The following TPD52L1 variants were observed in gnomAD, a reference collection of about 807,000 sequenced individuals.
The protein encoded by TPD52L1 is tumor protein D53.
TPD52L1 carries 18 observed loss-of-function variants against 28.7 expected under a neutral mutation model. That is an observed-to-expected ratio of 0.63 (90% CI 0.43 to 0.93). The LOEUF is 0.93. Ranked by LOEUF, TPD52L1 falls within the 40% of genes least tolerant of loss-of-function variation. The pLI is 0.00. For synonymous variants in TPD52L1, 75 were observed against 88.8 expected (o/e 0.84, Z 0.88); for missense variants, 203 against 254.8 (o/e 0.80, Z 1.39).
intron 1 of TPD52L1, among the ~76,000 whole-genome samples, chr6:125,199,816 C>T (rs1793689277): frequency 6.6e-6 from 1 of 152,194 alleles, no homozygotes; most frequent in South Asian, 2.1e-4. Flanking sequence ...TTAAAAATTA[C>T]TTAGGTCATA....
intron 1 of TPD52L1, among the ~76,000 whole-genome samples, chr6:125,204,876 A>T (rs1241706900): frequency 6.6e-6 from 1 of 152,214 alleles, no homozygotes; most frequent in Non-Finnish European, 1.5e-5. Context: ...CCTAGTGTGA[A>T]CAAGGAAGCA....
intron 1 of TPD52L1, among the ~76,000 whole-genome samples, chr6:125,187,359 T>C (rs1792710469): frequency 6.6e-6 from 1 of 152,204 alleles, no homozygotes; most frequent in Non-Finnish European, 1.5e-5. Flanking sequence ...CTACACTCTT[T>C]TTGGAAAATA....
Position 125,260,976 on chromosome 6 carries a change from GAA to G in TPD52L1, c.487-1855_487-1854del, listed in dbSNP as rs11341964. 6.9e-4 allele frequency: 58 copies of G among 83,680 alleles called. 4 individuals carry two copies. The highest frequency in any genetic ancestry group is 5.6e-3 in the Middle Eastern group (1 of 180). The allele number at this position is 83,680 out of a possible 1,614,324, so 5.2% of individuals were successfully genotyped here. On this transcript the variant is annotated intron_variant, in intron 6 of 6. Transcript: ENST00000534000. ...AGAAAGAAAGAAAGAAAGAAAGAAA[GAA>G]AAGAAAAGAAAGAAAGAAAGAAAGA...
intron 3 of TPD52L1, among the ~76,000 whole-genome samples, chr6:125,238,270 T>G (rs1796398870): frequency 6.6e-6 from 1 of 152,200 alleles, no homozygotes; most frequent in Admixed American, 6.5e-5. Context: ...TAATGATGAT[T>G]GGTGTTTTTA....
intron 1 of TPD52L1, among the ~76,000 whole-genome samples, chr6:125,189,101 G>C (rs1792861106): frequency 1.3e-5 from 2 of 152,148 alleles, no homozygotes; most frequent in Admixed American, 1.3e-4. Context: ...TAAATAGAAG[G>C]CATCTCAGTT....
At chr6:125,156,482 AG>A (rs1790141042) in intron 1 of TPD52L1, among the ~76,000 whole-genome samples, 24 of 5,504 alleles carry the variant, frequency 4.4e-3, no homozygotes, top group South Asian at 0.012. Flanking sequence ...AAAAAAAAAG[AG>A]AGAGATACAA....
At chr6:125,177,949 T>C (rs1172048740) in intron 1 of TPD52L1, among the ~76,000 whole-genome samples, 2 of 152,184 alleles carry the variant, frequency 1.3e-5, no homozygotes, top group Non-Finnish European at 1.5e-5. Context: ...GCTAAGTATA[T>C]AAAAAGTGAA....
chr6:125,257,292 T>A, intron 6 of TPD52L1, 134 bp downstream of exon 6: 1 of 626,224 alleles, frequency 1.6e-6, no homozygotes. Context: ...CTTTCACATA[T>A]AAATCTATGA....
chr6:125,250,521 G>GT (rs1473977231), intron 4 of TPD52L1, among the ~76,000 whole-genome samples: 3 of 152,200 alleles, frequency 2.0e-5, no homozygotes, highest in Non-Finnish European at 4.4e-5. Flanking sequence ...AAAAATTGCA[G>GT]TTTTTTATCT....
At position 125,248,354 on chromosome 6, in the gene TPD52L1, G is replaced by A. The variant is rs1269125366; in HGVS notation, c.357G>A (p.Thr119=). ...KATAAFSNVG[T]AISKKFGDMS... is the part of the protein sequence containing the mutation. ...CTGCAGCTTTCAGCAACGTTGGAAC[G>A]GCCATCAGCAAGAAGTTCGGAGACA... The change falls in exon 4 of 7, where the codon ACG becomes ACA. Residue 119 remains threonine, a synonymous_variant. Coordinates refer to ENST00000534000, the MANE Select transcript of TPD52L1 (RefSeq NM_003287.4). The A allele has an allele frequency of 7.4e-6, 12 of 1,614,030 alleles. No homozygotes were observed. Among genetic ancestry groups the A allele is most frequent in the African/African-American group, 2.7e-5 (2 of 74,930 alleles).
At chr6:125,187,042 G>A (rs1292758222) in intron 1 of TPD52L1, among the ~76,000 whole-genome samples, 1 of 152,082 alleles carries the variant, frequency 6.6e-6, no homozygotes, top group Non-Finnish European at 1.5e-5. Flanking sequence ...ATAGGTGGGA[G>A]AAAGGATTGC....
intron 1 of TPD52L1, chr6:125,219,771 A>G (rs1795106856): frequency 1.0e-5 from 4 of 390,944 alleles, no homozygotes; most frequent in South Asian, 8.6e-5. Flanking sequence ...CTTACGCCTC[A>G]TGAGACAGTG....
chr6:125,253,624 T>C (rs2115050537), intron 4 of TPD52L1, 93 bp from the exon 5 acceptor site: 4 of 1,133,836 alleles, frequency 3.5e-6, no homozygotes, highest in Middle Eastern at 2.7e-4. Flanking sequence ...TTGGAATTGC[T>C]GTTTTAGAAC....
chr6:125,255,560 G>T (rs1797546412), intron 5 of TPD52L1, among the ~76,000 whole-genome samples: 1 of 152,108 alleles, frequency 6.6e-6, no homozygotes, highest in Non-Finnish European at 1.5e-5. Context: ...GTACATTTCT[G>T]ACCATGTGGA....
In TPD52L1 at chr6:125,178,653, AAC is replaced by A. The variant is rs1435309575; in HGVS notation, c.19+24685_19+24686del. Among the ~76,000 whole-genome samples the A allele has an allele frequency of 1.5e-4, 19 of 124,394 alleles. No homozygotes were observed. The East Asian group carries it at 3.2e-3, about 21-fold the overall frequency. The allele number at this position is 124,394 out of a possible 152,430, so 81.6% of individuals were successfully genotyped here. Reference sequence around the variant, plus strand: ...AACAAAACAAAACAAAACAAAACAAAACAAAATATATATATATATATATTTGG... The same window carrying A: ...AACAAAACAAAACAAAACAAAACAAAAAAATATATATATATATATATTTGG... On this transcript the variant is annotated intron_variant, in intron 1 of 6. Coordinates refer to ENST00000534000, the MANE Select transcript of TPD52L1 (RefSeq NM_003287.4).
At chr6:125,222,309 G>T (rs1456736359) in intron 2 of TPD52L1, among the ~76,000 whole-genome samples, 3 of 152,192 alleles carry the variant, frequency 2.0e-5, no homozygotes, top group Non-Finnish European at 4.4e-5. Context: ...TCTCCACAGA[G>T]ATTCTTTATG....
intron 1 of TPD52L1, among the ~76,000 whole-genome samples, chr6:125,185,565 A>G (rs1034843044): frequency 9.9e-5 from 15 of 152,140 alleles, no homozygotes; most frequent in African/African-American, 3.4e-4. Flanking sequence ...AACTATCTAG[A>G]AAACAATGAA....
intron 1 of TPD52L1, among the ~76,000 whole-genome samples, chr6:125,204,749 A>G (rs898481483): frequency 1.3e-5 from 2 of 152,146 alleles, no homozygotes; most frequent in Admixed American, 6.5e-5. Flanking sequence ...AAAGTGCTGG[A>G]ATTACAGGCG....
At position 125,248,353 on chromosome 6, in the gene TPD52L1, C is replaced by T. The variant is rs191067803; in HGVS notation, c.356C>T (p.Thr119Met). 1.1e-5 allele frequency: 17 copies of T among 1,614,096 alleles called. No homozygotes were observed. The East Asian group carries it at 1.1e-4, about 11-fold the overall frequency. ...KATAAFSNVG[T>M]AISKKFGDMS... ...ACTGCAGCTTTCAGCAACGTTGGAA[C>T]GGCCATCAGCAAGAAGTTCGGAGAC... The change falls in exon 4 of 7, where the codon ACG becomes ATG. Residue 119 changes from threonine to methionine, a missense_variant. Transcript: ENST00000534000.
Sources: allele counts gnomAD v4.1 joint callset (sites outside exome capture counted in the v4.1 genomes callset), GRCh38; gene constraint gnomAD v4.1.1; transcripts MANE v1.5; gene names NCBI Gene and HGNC (gene_info 2026-07-23, HGNC 2026-07-21).